TNFRSF21: variants seen among roughly 807,000 people sequenced by gnomAD.
TNFRSF21 encodes tumor necrosis factor receptor superfamily member 21.
In TNFRSF21, 19 loss-of-function variants were observed where a neutral mutation model predicts 45.6. The ratio of observed to expected loss-of-function variants is 0.42; its 90% CI spans 0.29 to 0.61. The LOEUF (loss-of-function observed/expected upper bound fraction) is 0.61. Ranked by LOEUF, TNFRSF21 falls within the 20% of genes least tolerant of loss-of-function variation. TNFRSF21 has a pLI of 0.23. For missense variants in TNFRSF21, 737 were observed against 851.5 expected (o/e 0.87, Z 1.67); for synonymous variants, 314 against 335.5 (o/e 0.94, Z 0.70).
intron 4 of TNFRSF21, among the ~76,000 whole-genome samples, chr6:47,240,450 G>T (rs183080378): frequency 6.6e-6 from 1 of 152,316 alleles, no homozygotes; most frequent in African/African-American, 2.4e-5. Context: ...TGCTGCTAAG[G>T]AAGTTGTATC....
rs752954778 is a variant in TNFRSF21, at chr6:47,286,626, C to A, written c.97-31G>T. The A allele has an allele frequency of 1.0e-5, 16 of 1,566,318 alleles. No individual in the cohort carries two copies. In the African/African-American group the frequency reaches 2.0e-4, roughly 20 times the overall value. ...AGAAACAGAAGGGGAGGGAAAGGAA[C>A]AAAAACCAAGAAGATGTTACATAGG... On this transcript the variant is annotated intron_variant, in intron 1 of 5. Transcript: ENST00000296861.
At chr6:47,251,760 C>T (rs568740822) in intron 4 of TNFRSF21, among the ~76,000 whole-genome samples, 2 of 152,168 alleles carry the variant, frequency 1.3e-5, no homozygotes, top group African/African-American at 4.8e-5. Context: ...TTCAAACTGC[C>T]GCCATTTTAC....
chr6:47,246,494 T>C (rs1764826701), intron 4 of TNFRSF21, among the ~76,000 whole-genome samples: 1 of 152,140 alleles, frequency 6.6e-6, no homozygotes, highest in African/African-American at 2.4e-5. Context: ...TCAAACCCAA[T>C]TCAGAGAGAC....
intron 5 of TNFRSF21, among the ~76,000 whole-genome samples, chr6:47,233,467 C>T (rs1326606457): frequency 1.3e-5 from 2 of 152,074 alleles, no homozygotes; most frequent in Non-Finnish European, 1.5e-5. Flanking sequence ...AATTCCAAGA[C>T]AATGTAGTCT....
chr6:47,291,292 C>G (rs750187376), intron 1 of TNFRSF21, among the ~76,000 whole-genome samples: 35 of 152,254 alleles, frequency 2.3e-4, no homozygotes, highest in Middle Eastern at 6.8e-3. Flanking sequence ...AATGAGAAGT[C>G]ATTAAATGTT....
At chr6:47,256,239 G>A (rs1260414953) in intron 3 of TNFRSF21, among the ~76,000 whole-genome samples, 2 of 152,122 alleles carry the variant, frequency 1.3e-5, no homozygotes, top group African/African-American at 4.8e-5. Flanking sequence ...TATAAAAGTA[G>A]AATGGATGGG....
At chr6:47,259,180 C>T (rs1355871640) in intron 3 of TNFRSF21, among the ~76,000 whole-genome samples, 1 of 152,264 alleles carries the variant, frequency 6.6e-6, no homozygotes, top group Non-Finnish European at 1.5e-5. Context: ...CTCTGCTTGG[C>T]AGGATGCCCA....
chr6:47,234,302 G>C (rs919507677), intron 5 of TNFRSF21, among the ~76,000 whole-genome samples: 25 of 152,152 alleles, frequency 1.6e-4, no homozygotes, highest in Non-Finnish European at 3.4e-4. Context: ...TGACTCTCAA[G>C]ATAAGTTCAA....
At chr6:47,300,805 G>A (rs541552269) in intron 1 of TNFRSF21, among the ~76,000 whole-genome samples, 9 of 152,128 alleles carry the variant, frequency 5.9e-5, no homozygotes, top group East Asian at 1.9e-4. Flanking sequence ...CTTTTACGAC[G>A]TCCAAGAAGG....
chr6:47,240,493 C>T (rs1764729003), intron 4 of TNFRSF21, among the ~76,000 whole-genome samples: 1 of 152,190 alleles, frequency 6.6e-6, no homozygotes, highest in Non-Finnish European at 1.5e-5. Flanking sequence ...AACTGAGGCT[C>T]TAAGAGGTAA....
chr6:47,255,554 C>T (rs983568513), intron 3 of TNFRSF21, among the ~76,000 whole-genome samples: 21 of 151,978 alleles, frequency 1.4e-4, no homozygotes, highest in Middle Eastern at 3.4e-3. Context: ...CTTAACCTCT[C>T]GAGTTCAAGG....
At chr6:47,240,815 C>A (rs1561937877) in intron 4 of TNFRSF21, among the ~76,000 whole-genome samples, 1 of 152,128 alleles carries the variant, frequency 6.6e-6, no homozygotes. Flanking sequence ...TCAACTGTAG[C>A]CAATAACTTT....
intron 1 of TNFRSF21, among the ~76,000 whole-genome samples, chr6:47,292,000 C>T (rs183533276): frequency 1.3e-5 from 2 of 152,274 alleles, no homozygotes; most frequent in Admixed American, 6.5e-5. Context: ...AGGGCTTTTC[C>T]CACTCGCCTG....
intron 3 of TNFRSF21, among the ~76,000 whole-genome samples, chr6:47,267,011 T>G (rs1463354936): frequency 6.6e-6 from 1 of 152,122 alleles, no homozygotes; most frequent in Non-Finnish European, 1.5e-5. Context: ...AGAGCAGACC[T>G]GTGTGAGTAA....
intron 3 of TNFRSF21, among the ~76,000 whole-genome samples, chr6:47,270,484 A>T (rs868427826): frequency 4.6e-5 from 7 of 152,372 alleles, no homozygotes; most frequent in South Asian, 2.1e-4. Context: ...CAAAAAGGTC[A>T]TCTACACCAA....
chr6:47,256,360 C>CA (rs1319401554), intron 3 of TNFRSF21, among the ~76,000 whole-genome samples: 1 of 152,056 alleles, frequency 6.6e-6, no homozygotes, highest in African/African-American at 2.4e-5. Flanking sequence ...CCCATTTCTA[C>CA]AAAAAATACA....
At chr6:47,237,086 T>A in intron 4 of TNFRSF21, among the ~76,000 whole-genome samples, 1 of 152,010 alleles carries the variant, frequency 6.6e-6, no homozygotes, top group East Asian at 1.9e-4. Flanking sequence ...TAATTAACAA[T>A]GAGTCAGGTG....
intron 3 of TNFRSF21, among the ~76,000 whole-genome samples, chr6:47,265,921 T>C (rs900974725): frequency 1.3e-5 from 2 of 152,220 alleles, no homozygotes; most frequent in African/African-American, 4.8e-5. Context: ...GATTTGTTCA[T>C]TTCCAAACAC....
Position 47,232,636 on chromosome 6 carries a change from C to CAA in TNFRSF21, c.*128_*129insTT. ...ATATTCTCTGTTAAACACACACACA[C>CAA]ACACACACACACACACACACACAAA... On this transcript the variant is annotated 3_prime_UTR_variant, in exon 6 of 6. Transcript: ENST00000296861. 1 of 719,022 alleles carries CAA rather than the reference C, an allele frequency of 1.4e-6. No homozygotes were observed. Among genetic ancestry groups the CAA allele is most frequent in the South Asian group, 1.8e-5 (1 of 55,202 alleles). 44.5% of individuals were successfully genotyped at this position (719,022 alleles called of 1,614,324 possible). A position where few individuals can be genotyped will look rare whatever the true frequency, so the allele number is the denominator to read the frequency against.
Sources: gnomAD v4.1 joint callset for allele counts (sites outside exome capture counted in the v4.1 genomes callset) on GRCh38, gnomAD v4.1.1 for gene constraint, MANE v1.5 for transcripts, NCBI Gene and HGNC (gene_info 2026-07-23, HGNC 2026-07-21) for gene names.